Variants in CENPP observed in about 807,000 individuals in gnomAD.
CENPP encodes the protein centromere protein P.
A neutral mutation model predicts 35.6 loss-of-function variants in CENPP; 24 were observed. The ratio of observed to expected loss-of-function variants is 0.67; its 90% CI spans 0.49 to 0.95. The LOEUF (loss-of-function observed/expected upper bound fraction) is 0.95. Among genes scored for constraint, CENPP ranks in the 40% least tolerant of loss-of-function variants. CENPP has a pLI of 0.00. For missense variants in CENPP, 332 were observed against 345.3 expected, an observed-to-expected ratio of 0.96 and a Z score of 0.31; for synonymous variants, 120 against 125.5, an observed-to-expected ratio of 0.96 and a Z score of 0.29.
chr9:92,404,699 T>C (rs771726745), intron 5 of CENPP: 83 of 1,219,566 alleles, frequency 6.8e-5, no homozygotes, highest in Non-Finnish European at 8.4e-5. Flanking sequence ...TGAAATGCAG[T>C]GTGTTGTACT....
chr9:92,434,817 C>T (rs953618342), intron 5 of CENPP, among the ~76,000 whole-genome samples: 10 of 152,066 alleles, frequency 6.6e-5, no homozygotes, highest in Non-Finnish European at 1.2e-4. Context: ...CTGAAGCGGA[C>T]GGATCACCTG....
intron 5 of CENPP, among the ~76,000 whole-genome samples, chr9:92,380,278 C>G (rs1842214465): frequency 6.6e-6 from 1 of 152,172 alleles, no homozygotes; most frequent in African/African-American, 2.4e-5. Context: ...AAGCCTGATT[C>G]TTGCGAAGTA....
chr9:92,579,839 T>G lies in CENPP; in HGVS notation c.565-31475T>G, dbSNP rs1282239317. On this transcript the variant is annotated intron_variant, in intron 5 of 7. Coordinates refer to ENST00000375587, the MANE Select transcript of CENPP (RefSeq NM_001012267.3). ...CCTGGCCAGAACTTCCAATACTATGTTGAATAGGAGTGGTGAGAGAGGGCA... is the reference window on the plus strand; with the variant it reads ...CCTGGCCAGAACTTCCAATACTATGGTGAATAGGAGTGGTGAGAGAGGGCA... Among the ~76,000 whole-genome samples, 201 of 142,996 alleles carry G rather than the reference T, an allele frequency of 1.4e-3. 1 individual carries two copies. The highest frequency in any genetic ancestry group is 7.0e-3 in the Middle Eastern group (2 of 284). The allele number at this position is 142,996 out of a possible 152,430, so 93.8% of individuals were successfully genotyped here.
chr9:92,372,957 T>G (rs138742875), intron 4 of CENPP, among the ~76,000 whole-genome samples: 52 of 152,280 alleles, frequency 3.4e-4, no homozygotes, highest in African/African-American at 1.2e-3. Context: ...TTGAGGTCGT[T>G]GAACATTTTG....
chr9:92,330,502 T>A (rs528250387), intron 1 of CENPP, among the ~76,000 whole-genome samples: 2 of 152,154 alleles, frequency 1.3e-5, no homozygotes, highest in African/African-American at 4.8e-5. Context: ...CAAATGAGAA[T>A]TGGGATAATT....
At chr9:92,335,778 G>C (rs547023188) in intron 2 of CENPP, among the ~76,000 whole-genome samples, 1 of 152,036 alleles carries the variant, frequency 6.6e-6, no homozygotes, top group Admixed American at 6.6e-5. Flanking sequence ...ATACTGTCTT[G>C]ATTACTGTAG....
intron 5 of CENPP, among the ~76,000 whole-genome samples, chr9:92,463,904 A>G (rs1845206941): frequency 6.6e-6 from 1 of 152,172 alleles, no homozygotes; most frequent in South Asian, 2.1e-4. Context: ...TCTTTAGGTG[A>G]CCTAAGTGAA....
rs1404845505 is a variant in CENPP, at chr9:92,619,756, A to T, written c.*6607A>T. 3.3e-6 allele frequency: 2 copies of T among 610,426 alleles called. No homozygotes were observed. The highest frequency in any genetic ancestry group is 5.9e-6 in the Non-Finnish European group (2 of 336,398). The allele number at this position is 610,426 out of a possible 1,614,324, so 37.8% of individuals were successfully genotyped here. On this transcript the variant is annotated 3_prime_UTR_variant, in exon 8 of 8. Coordinates refer to ENST00000375587, the MANE Select transcript of CENPP (RefSeq NM_001012267.3). ...TGTGAGAGCACCTGGGCCAGCCCTC[A>T]GTGCCACGGGGCTGCTCAGAGGCCA...
chr9:92,407,567 C>T (rs1434454885), intron 5 of CENPP, among the ~76,000 whole-genome samples: 4 of 152,204 alleles, frequency 2.6e-5, no homozygotes, highest in Non-Finnish European at 4.4e-5. Context: ...GTCTCATGCT[C>T]AAGAGCAGGC....
chr9:92,459,288 G>A (rs1012131696), intron 5 of CENPP, among the ~76,000 whole-genome samples: 5 of 152,214 alleles, frequency 3.3e-5, no homozygotes, highest in South Asian at 2.1e-4. Context: ...AAAAGGACAC[G>A]TGACACTGCT....
At chr9:92,578,745 TAG>T (rs1394854635) in intron 5 of CENPP, among the ~76,000 whole-genome samples, 7 of 151,492 alleles carry the variant, frequency 4.6e-5, no homozygotes, top group African/African-American at 7.3e-5. Context: ...TCCCATTCTG[TAG>T]GTTGCCTGTT....
At chr9:92,477,107 C>G (rs73520572) in intron 5 of CENPP, among the ~76,000 whole-genome samples, 1,653 of 152,198 alleles carry the variant, frequency 0.011, 39 homozygotes, top group African/African-American at 0.038. Context: ...TTTTGGAGAG[C>G]CCCAGGTGGA....
intron 5 of CENPP, chr9:92,414,694 A>G (rs187452753): frequency 1.3e-3 from 270 of 212,266 alleles, no homozygotes; most frequent in Middle Eastern, 0.011. Flanking sequence ...GTCAGAGAAA[A>G]TGGTCTATTC....
In CENPP at chr9:92,529,985, C is replaced by T. The variant is rs572585460; in HGVS notation, c.565-81329C>T. On this transcript the variant is annotated intron_variant, in intron 5 of 7. Coordinates refer to ENST00000375587, the MANE Select transcript of CENPP (RefSeq NM_001012267.3). ...GCAGACTTTTTTTTCTTGTCATTGT[C>T]CCCTAAATGATACAGTATAACAACT... is the stretch of plus-strand genomic sequence containing the variant. Among the ~76,000 whole-genome samples, 9 of 152,164 alleles carry T rather than the reference C, an allele frequency of 5.9e-5. No individual in the cohort carries two copies. In the South Asian group the frequency reaches 1.9e-3, roughly 32 times the overall value.
chr9:92,596,158 G>C (rs1850774807), intron 5 of CENPP, among the ~76,000 whole-genome samples: 2 of 152,066 alleles, frequency 1.3e-5, no homozygotes. Flanking sequence ...TTTTGAGACA[G>C]AGTCTTGCTC....
intron 4 of CENPP, among the ~76,000 whole-genome samples, chr9:92,361,814 C>T (rs1231447096): frequency 6.6e-6 from 1 of 152,098 alleles, no homozygotes; most frequent in Non-Finnish European, 1.5e-5. Flanking sequence ...GAGATATTCC[C>T]TTATATAATT....
intron 5 of CENPP, among the ~76,000 whole-genome samples, chr9:92,527,832 A>G (rs1848508313): frequency 6.6e-6 from 1 of 151,988 alleles, no homozygotes; most frequent in Non-Finnish European, 1.5e-5. Context: ...TCACTAACTG[A>G]CCTATTTTTT....
At chr9:92,416,878 C>T (rs1843630439) in intron 5 of CENPP, 2 of 1,613,960 alleles carry the variant, frequency 1.2e-6, no homozygotes, top group Non-Finnish European at 1.7e-6. Flanking sequence ...AACCAGGAGG[C>T]ATTGATTCTA....
At chr9:92,468,948 A>G (rs998427751) in intron 5 of CENPP, among the ~76,000 whole-genome samples, 1 of 152,260 alleles carries the variant, frequency 6.6e-6, no homozygotes, top group Non-Finnish European at 1.5e-5. Flanking sequence ...ATGTAATAAA[A>G]TAATGATATG....
Sources: allele counts gnomAD v4.1 joint callset (sites outside exome capture counted in the v4.1 genomes callset), GRCh38; gene constraint gnomAD v4.1.1; transcripts MANE v1.5; gene names NCBI Gene and HGNC (gene_info 2026-07-23, HGNC 2026-07-21).